PCDHA13: variants seen among roughly 807,000 people sequenced by gnomAD.
PCDHA13 encodes the protein protocadherin alpha 13.
Under a neutral mutation model 64.8 loss-of-function variants are expected in PCDHA13, and 54 were observed. That is an observed-to-expected ratio of 0.83 (90% confidence interval 0.67 to 1.04). PCDHA13 has a LOEUF of 1.04. PCDHA13 is among the 50% of genes least tolerant of loss of function. The pLI, the probability that PCDHA13 is intolerant of heterozygous loss-of-function variation, is 0.00. For missense variants in PCDHA13, 1,248 were observed against 1,254.3 expected, an observed-to-expected ratio of 0.99 and a Z score of 0.08; for synonymous variants, 587 against 564.4, an observed-to-expected ratio of 1.04 and a Z score of -0.57.
intron 1 of PCDHA13, among the ~76,000 whole-genome samples, chr5:140,897,966 T>C (rs1339473229): frequency 5.3e-5 from 8 of 152,276 alleles, no homozygotes; most frequent in African/African-American, 1.9e-4. Flanking sequence ...TTCATGTGTC[T>C]TTTGGCTGCA....
intron 3 of PCDHA13, among the ~76,000 whole-genome samples, chr5:140,996,530 T>C (rs1423892657): frequency 6.6e-6 from 1 of 152,210 alleles, no homozygotes; most frequent in East Asian, 1.9e-4. Flanking sequence ...AGGCCCTGTG[T>C]GTTTTGATAT....
chr5:140,985,504 A>G (rs1368014181), intron 3 of PCDHA13, among the ~76,000 whole-genome samples: 2 of 152,170 alleles, frequency 1.3e-5, no homozygotes, highest in Non-Finnish European at 2.9e-5. Context: ...CCTGCCTTTC[A>G]TTGATTCTGT....
chr5:140,906,252 C>A (rs1376694912), intron 1 of PCDHA13, among the ~76,000 whole-genome samples: 1 of 152,180 alleles, frequency 6.6e-6, no homozygotes, highest in African/African-American at 2.4e-5. Context: ...AACCCATACA[C>A]ACCTCCTGAA....
intron 3 of PCDHA13, among the ~76,000 whole-genome samples, chr5:140,996,953 TCCCTCAATC>T (rs1554255576): frequency 6.6e-6 from 1 of 152,202 alleles, no homozygotes; most frequent in Non-Finnish European, 1.5e-5. Flanking sequence ...AATATTTATT[TCCCTCAATC>T]CCACTCCCCT....
In PCDHA13 at chr5:140,883,913, G is replaced by T. The variant is rs782585121; in HGVS notation, c.1645G>T (p.Val549Leu). The T allele has an allele frequency of 6.2e-7, 1 of 1,613,478 alleles. No individual in the cohort carries two copies. The highest frequency in any genetic ancestry group is 1.1e-5 in the South Asian group (1 of 91,072). ...TGGCGTGCCGCCTCTGGGCAGCAAC[G>T]TGACGCTGCAGGTGTTCGTGCTGGA... Reference protein sequence around the residue: ...DSGVPPLGSNVTLQVFVLDEN... With the variant: ...DSGVPPLGSNLTLQVFVLDEN... The change falls in exon 1 of 4, where the codon GTG (valine) becomes TTG (leucine). Residue 549 changes from valine to leucine, a missense_variant. Val to Leu is a conservative substitution (Grantham distance 32, BLOSUM62 1). Coordinates refer to ENST00000289272, the MANE Select transcript of PCDHA13 (RefSeq NM_018904.3).
chr5:140,977,564 A>G (rs2096766034), intron 1 of PCDHA13, among the ~76,000 whole-genome samples: 1 of 152,178 alleles, frequency 6.6e-6, no homozygotes, highest in African/African-American at 2.4e-5. Flanking sequence ...TTGCTAGCAG[A>G]TTGGTAGAAT....
At chr5:141,006,033 G>A (rs1162099125) in intron 3 of PCDHA13, among the ~76,000 whole-genome samples, 1 of 151,252 alleles carries the variant, frequency 6.6e-6, no homozygotes, top group Non-Finnish European at 1.5e-5. Context: ...TAGTAAGAGG[G>A]AGATTTGTAG....
At chr5:140,995,860 A>C (rs1220139939) in intron 3 of PCDHA13, among the ~76,000 whole-genome samples, 1 of 152,220 alleles carries the variant, frequency 6.6e-6, no homozygotes, top group Non-Finnish European at 1.5e-5. Flanking sequence ...CGTATCACTT[A>C]ATAATTGTGC....
At chr5:140,957,339 TGAGA>T (rs2095352193) in intron 1 of PCDHA13, among the ~76,000 whole-genome samples, 1 of 152,152 alleles carries the variant, frequency 6.6e-6, no homozygotes, top group African/African-American at 2.4e-5. Context: ...TAAGATATTT[TGAGA>T]GAGAGACCAC....
At chr5:140,928,466 T>C in intron 1 of PCDHA13, 13 of 1,614,140 alleles carry the variant, frequency 8.1e-6, no homozygotes, top group Non-Finnish European at 1.1e-5. Context: ...CATTTCCAAG[T>C]AGAAGGCCGG....
At chr5:140,975,307 A>G (rs1190412792) in intron 1 of PCDHA13, among the ~76,000 whole-genome samples, 1 of 152,162 alleles carries the variant, frequency 6.6e-6, no homozygotes, top group Non-Finnish European at 1.5e-5. Context: ...AGCTCATGTG[A>G]TTATGTCAGT....
chr5:140,933,752 A>T (rs1308245960), intron 1 of PCDHA13, among the ~76,000 whole-genome samples: 1 of 152,068 alleles, frequency 6.6e-6, no homozygotes, highest in African/African-American at 2.4e-5. Context: ...AGAATTCACT[A>T]GTGAAGCTCT....
intron 1 of PCDHA13, among the ~76,000 whole-genome samples, chr5:140,898,151 CT>C (rs2066567806): frequency 6.6e-6 from 1 of 152,158 alleles, no homozygotes; most frequent in Admixed American, 6.5e-5. Context: ...CCTGTTCACG[CT>C]GATGGTGGTT....
intron 3 of PCDHA13, among the ~76,000 whole-genome samples, chr5:140,983,949 T>TA (rs1554245835): frequency 1.3e-5 from 2 of 152,176 alleles, no homozygotes. Flanking sequence ...ACAATTCAAC[T>TA]AAAAGTCACA....
chr5:140,914,944 C>CT (rs35695909), intron 1 of PCDHA13, among the ~76,000 whole-genome samples: 3,966 of 128,238 alleles, frequency 0.031, 97 homozygotes, highest in Middle Eastern at 0.041. Context: ...GAAAAGTTGT[C>CT]TTTTTTTTTT....
rs1483756278 is a variant in PCDHA13, at chr5:140,982,223, T to TA, written c.2454-246dup. On this transcript the variant is annotated intron_variant, in intron 2 of 3. Transcript: ENST00000289272. Reference sequence around the variant, plus strand: ...TTTAGTGAGCGCCACATGGCGTTAATAAAAAACAGAATTGCCATAAAGATA... The same window carrying TA: ...TTTAGTGAGCGCCACATGGCGTTAATAAAAAAACAGAATTGCCATAAAGATA... 8.6e-6 allele frequency: 5 copies of TA among 580,096 alleles called. No homozygotes were observed. In the East Asian group the frequency reaches 1.2e-4, roughly 14 times the overall value. The allele number at this position is 580,096 out of a possible 1,614,324, so 35.9% of individuals were successfully genotyped here. A position where few individuals can be genotyped will look rare whatever the true frequency, so the allele number is the denominator to read the frequency against.
In PCDHA13 at chr5:140,952,330, C is replaced by A. The variant is rs564242872; in HGVS notation, c.2395-26619C>A. On this transcript the variant is annotated intron_variant, in intron 1 of 3. Transcript: ENST00000289272. ...TCCAGCCTGGGCAACAAGAGTGAAACTCCATCTCAAAAAAAAAAAAAAAAG... is the reference window on the plus strand; with the variant it reads ...TCCAGCCTGGGCAACAAGAGTGAAAATCCATCTCAAAAAAAAAAAAAAAAG... Among the ~76,000 whole-genome samples the A allele has an allele frequency of 2.2e-4, 26 of 120,342 alleles. No individual in the cohort carries two copies. The South Asian group carries it at 3.3e-3, about 15-fold the overall frequency. The allele number at this position is 120,342 out of a possible 152,430, so 78.9% of individuals were successfully genotyped here. A position where few individuals can be genotyped will look rare whatever the true frequency, so the allele number is the denominator to read the frequency against.
rs549444106 is a variant in PCDHA13 at position 140,953,999 on chromosome 5, T to C, written c.2395-24950T>C. Among the ~76,000 whole-genome samples the C allele has an allele frequency of 1.1e-4, 16 of 152,294 alleles. No homozygotes were observed. In the South Asian group the frequency reaches 3.3e-3, roughly 32 times the overall value. ...CCCTTCATATTTTCATGTGTACTCA[T>C]CATTCAGCTCCCACACATAGTGGGA... is the stretch of plus-strand genomic sequence containing the variant. On this transcript the variant is annotated intron_variant, in intron 1 of 3. Transcript: ENST00000289272.
chr5:140,937,812 T>A (rs930837901), intron 1 of PCDHA13, among the ~76,000 whole-genome samples: 3 of 150,742 alleles, frequency 2.0e-5, no homozygotes, highest in Non-Finnish European at 4.4e-5. Flanking sequence ...CTCGGGAAGC[T>A]GAGGCAGGAG....
Sources: allele counts gnomAD v4.1 joint callset (sites outside exome capture counted in the v4.1 genomes callset), GRCh38; gene constraint gnomAD v4.1.1; transcripts MANE v1.5; gene names NCBI Gene and HGNC (gene_info 2026-07-23, HGNC 2026-07-21).